RBFOX1: variants seen among roughly 807,000 people sequenced by gnomAD.
RBFOX1 encodes the protein RNA binding protein fox-1 homolog 1.
Under a neutral mutation model 57.7 loss-of-function variants are expected in RBFOX1, and 8 were observed. The ratio of observed to expected loss-of-function variants is 0.14; its 90% CI spans 0.08 to 0.25. The LOEUF is 0.25. Among genes scored for constraint, RBFOX1 ranks in the 10% least tolerant of loss-of-function variants. RBFOX1 has a pLI of 1.00. For missense variants in RBFOX1, 611 were observed against 548.5 expected (o/e 1.11, Z -1.14); for synonymous variants, 326 against 222.4 (o/e 1.47, Z -4.15).
intron 4 of RBFOX1, among the ~76,000 whole-genome samples, chr16:7,318,729 G>GCAGC (rs2096490292): frequency 1.3e-5 from 2 of 152,128 alleles, no homozygotes; most frequent in African/African-American, 4.8e-5. Flanking sequence ...TCTTGATTTT[G>GCAGC]CTTTTTATAG....
At position 7,332,772 on chromosome 16, in the gene RBFOX1, A is replaced by G. The variant is rs147454622; in HGVS notation, c.28-185375A>G. 3,645 of 1,383,964 alleles carry G rather than the reference A, an allele frequency of 2.6e-3. 79 individuals are homozygous for G. The African/African-American group carries it at 0.046, about 17-fold the overall frequency. The allele number at this position is 1,383,964 out of a possible 1,614,324, so 85.7% of individuals were successfully genotyped here. ...AGCACCTTCCATTTTGGTAGCTTCA[A>G]CTTTGCAGCTGCTGTGTCTCTTCGT... On this transcript the variant is annotated intron_variant, in intron 4 of 15. Transcript: ENST00000550418.
chr16:5,575,774 A>G (rs4786719), intron 2 of RBFOX1, among the ~76,000 whole-genome samples: 132,879 of 151,962 alleles, frequency 0.87, 58,224 homozygotes, highest in East Asian at 1. Flanking sequence ...TCTTTATTTG[A>G]CATAAAATGT....
intron 3 of RBFOX1, among the ~76,000 whole-genome samples, chr16:6,671,224 T>G (rs951854321): frequency 2.6e-5 from 4 of 152,218 alleles, no homozygotes; most frequent in Non-Finnish European, 5.9e-5. Context: ...GGCAACAACC[T>G]AAATGCTTAA....
chr16:6,114,286 G>A (rs1034389284), intron 1 of RBFOX1, among the ~76,000 whole-genome samples: 10 of 152,182 alleles, frequency 6.6e-5, no homozygotes, highest in South Asian at 4.1e-4. Context: ...TTCTTCTGTC[G>A]TTGACCATTT....
chr16:7,043,434 C>A (rs1449405815), intron 3 of RBFOX1, among the ~76,000 whole-genome samples: 1 of 152,280 alleles, frequency 6.6e-6, no homozygotes, highest in African/African-American at 2.4e-5. Flanking sequence ...AAATGTGTAT[C>A]ATAGTCCTGA....
chr16:6,829,742 C>A (rs1168777320), intron 3 of RBFOX1, among the ~76,000 whole-genome samples: 1 of 151,930 alleles, frequency 6.6e-6, no homozygotes, highest in African/African-American at 2.4e-5. Flanking sequence ...GCTGGAATTA[C>A]AGGCACCTGC....
chr16:7,444,725 G>T (rs903525144), intron 4 of RBFOX1, among the ~76,000 whole-genome samples: 25 of 152,038 alleles, frequency 1.6e-4, no homozygotes, highest in African/African-American at 5.8e-4. Flanking sequence ...AGAGGTGAGG[G>T]CTCCCTACGT....
chr16:6,598,051 C>T (rs1043839168), intron 2 of RBFOX1, among the ~76,000 whole-genome samples: 2 of 152,180 alleles, frequency 1.3e-5, no homozygotes, highest in South Asian at 2.1e-4. Context: ...TGGTTATAGT[C>T]ACTTTGGTCA....
intron 3 of RBFOX1, among the ~76,000 whole-genome samples, chr16:6,970,330 T>A (rs1219541452): frequency 6.6e-6 from 1 of 152,214 alleles, no homozygotes; most frequent in Non-Finnish European, 1.5e-5. Context: ...ATTTTCTCAG[T>A]ATAGTGGTTT....
chr16:6,142,921 C>G (rs181251257), intron 1 of RBFOX1, among the ~76,000 whole-genome samples: 2 of 152,324 alleles, frequency 1.3e-5, no homozygotes, highest in South Asian at 2.1e-4. Flanking sequence ...GCTCTTCCCT[C>G]TCTTCCCTCC....
intron 9 of RBFOX1, among the ~76,000 whole-genome samples, chr16:7,597,688 A>G (rs1030713462): frequency 7.9e-5 from 12 of 152,172 alleles, no homozygotes; most frequent in African/African-American, 2.9e-4. Flanking sequence ...AGATGCACTA[A>G]TTATTTGGAA....
chr16:7,342,177 A>C (rs886135157), intron 4 of RBFOX1, among the ~76,000 whole-genome samples: 6 of 152,156 alleles, frequency 3.9e-5, no homozygotes, highest in Non-Finnish European at 7.3e-5. Context: ...ACTCTTGGTA[A>C]GTTGCTTGAC....
intron 2 of RBFOX1, among the ~76,000 whole-genome samples, chr16:5,548,428 A>G (rs890245232): frequency 6.6e-6 from 1 of 151,626 alleles, no homozygotes; most frequent in African/African-American, 2.4e-5. Context: ...AATGAATAAG[A>G]CCACCTATTT....
chr16:7,103,559 T>A (rs1014825079), intron 4 of RBFOX1, among the ~76,000 whole-genome samples: 1 of 152,080 alleles, frequency 6.6e-6, no homozygotes, highest in Non-Finnish European at 1.5e-5. Flanking sequence ...AATGTATAGA[T>A]AGATTGATAA....
chr16:6,239,577 C>T (rs767922441), intron 1 of RBFOX1, among the ~76,000 whole-genome samples: 10 of 136,756 alleles, frequency 7.3e-5, no homozygotes, highest in Non-Finnish European at 1.2e-4. Context: ...CGGCTTACTG[C>T]ATCCTCCGCC....
intron 3 of RBFOX1, among the ~76,000 whole-genome samples, chr16:6,948,906 A>G (rs546323366): frequency 4.6e-5 from 7 of 152,264 alleles, no homozygotes; most frequent in South Asian, 2.1e-4. Flanking sequence ...CTGACTGTCA[A>G]TGAGGAAGGG....
In RBFOX1 at chr16:6,226,517, G is replaced by A. The variant is rs148423208; in HGVS notation, c.-126-90478G>A. On this transcript the variant is annotated intron_variant, in intron 1 of 15. Coordinates refer to ENST00000550418, the MANE Select transcript of RBFOX1 (RefSeq NM_018723.4). ...ATTGCCCATGACCACTCATTGAAGC[G>A]GTGTTCAAGTTTTCAAGGCACAGAC... Among the ~76,000 whole-genome samples the A allele has an allele frequency of 3.9e-5, 6 of 152,160 alleles. No individual in the cohort carries two copies. In the South Asian group the frequency reaches 6.2e-4, roughly 16 times the overall value.
intron 5 of RBFOX1, among the ~76,000 whole-genome samples, chr16:7,532,272 T>A (rs1321723348): frequency 6.6e-6 from 1 of 151,928 alleles, no homozygotes; most frequent in Admixed American, 6.6e-5. Flanking sequence ...TTGCCTGGGG[T>A]TCCAGGCGGT....
chr16:7,419,909 T>TTTTC (rs1196515389), intron 4 of RBFOX1, among the ~76,000 whole-genome samples: 1 of 147,418 alleles, frequency 6.8e-6, no homozygotes, highest in East Asian at 2.1e-4. Flanking sequence ...AAAGGATCTG[T>TTTTC]TTTCTTTCTT....
Sources: allele counts gnomAD v4.1 joint callset (sites outside exome capture counted in the v4.1 genomes callset), GRCh38; gene constraint gnomAD v4.1.1; transcripts MANE v1.5; gene names NCBI Gene and HGNC (gene_info 2026-07-23, HGNC 2026-07-21).